The following TLCD4 variants were observed in gnomAD, a reference collection of about 807,000 sequenced individuals.
TLCD4 encodes TLC domain containing 4.
A neutral mutation model predicts 24.2 loss-of-function variants in TLCD4; 7 were observed. The ratio of observed to expected loss-of-function variants is 0.29; its 90% CI spans 0.16 to 0.54. The LOEUF (loss-of-function observed/expected upper bound fraction) is 0.54, where lower values mean the gene tolerates loss of function less well. TLCD4 is among the 20% of genes least tolerant of loss of function. The pLI, the probability that TLCD4 is intolerant of heterozygous loss-of-function variation, is 0.95. For missense variants in TLCD4, 259 were observed against 313.9 expected (o/e 0.82, Z 1.32); for synonymous variants, 103 against 106.4 (o/e 0.97, Z 0.20).
At chr1:95,099,977 C>CA in the TLCD4 span, among the ~76,000 whole-genome samples, 3 of 151,612 alleles carry the variant, frequency 2.0e-5, no homozygotes, top group African/African-American at 7.3e-5. Flanking sequence ...ACTAAAAACA[C>CA]AAAAAATACA....
the TLCD4 span, among the ~76,000 whole-genome samples, chr1:95,101,513 T>G: frequency 6.6e-6 from 1 of 150,752 alleles, no homozygotes; most frequent in Non-Finnish European, 1.5e-5. Flanking sequence ...CCTTAAGAGA[T>G]CCTCCCACCT....
the TLCD4 span, among the ~76,000 whole-genome samples, chr1:95,105,087 C>T: frequency 3.9e-5 from 6 of 152,090 alleles, no homozygotes; most frequent in Admixed American, 2.0e-4. Flanking sequence ...ATATTCAGTA[C>T]TTTATTATAA....
chr1:95,101,264 T>C, the TLCD4 span, among the ~76,000 whole-genome samples: 1 of 152,006 alleles, frequency 6.6e-6, no homozygotes, highest in Non-Finnish European at 1.5e-5. Context: ...TTTTGTTTCA[T>C]TTATTTAGAG....
the TLCD4 span, among the ~76,000 whole-genome samples, chr1:95,104,663 C>CAAAAAAA: frequency 4.7e-4 from 19 of 40,602 alleles, 4 homozygotes; most frequent in Non-Finnish European, 7.0e-4. Flanking sequence ...GACTCCGTCT[C>CAAAAAAA]AAAAAAAAAA....
At chr1:95,136,440 C>G (rs1677043458) in intron 1 of TLCD4, among the ~76,000 whole-genome samples, 1 of 152,136 alleles carries the variant, frequency 6.6e-6, no homozygotes, top group Non-Finnish European at 1.5e-5. Flanking sequence ...ATTTCAAAAC[C>G]TGATTCTGTT....
At chr1:95,165,522 A>G (rs1165336834) in intron 5 of TLCD4, among the ~76,000 whole-genome samples, 4 of 149,502 alleles carry the variant, frequency 2.7e-5, no homozygotes, top group African/African-American at 5.0e-5. Flanking sequence ...GTGGAGTGCA[A>G]TGGCGTGATC....
At chr1:95,155,510 T>A (rs1260177136) in intron 5 of TLCD4, among the ~76,000 whole-genome samples, 2 of 152,198 alleles carry the variant, frequency 1.3e-5, no homozygotes, top group Non-Finnish European at 2.9e-5. Flanking sequence ...TCTATCTCAT[T>A]TGTATTTTAG....
chr1:95,129,773 A>G (rs1480930691), intron 1 of TLCD4, among the ~76,000 whole-genome samples: 4 of 152,168 alleles, frequency 2.6e-5, no homozygotes, highest in Non-Finnish European at 4.4e-5. Flanking sequence ...TTATATGAAC[A>G]TAGGGCTTCT....
At chr1:95,143,837 T>C in intron 1 of TLCD4, 54 bp from the exon 2 acceptor site, 1 of 1,309,388 alleles carries the variant, frequency 7.6e-7, no homozygotes, top group Admixed American at 3.0e-5. Context: ...AATAAAAAAA[T>C]TACTCTAGGT....
At chr1:95,104,200 T>G in the TLCD4 span, among the ~76,000 whole-genome samples, 2 of 152,150 alleles carry the variant, frequency 1.3e-5, no homozygotes, top group African/African-American at 4.8e-5. Context: ...CCACAGAACT[T>G]TGAGCTTCCT....
chr1:95,145,456 C>G (rs1235798548), intron 2 of TLCD4, among the ~76,000 whole-genome samples: 5 of 151,760 alleles, frequency 3.3e-5, no homozygotes, highest in Non-Finnish European at 7.4e-5. Flanking sequence ...TGTCAAAGTT[C>G]TTTTCACCCA....
At chr1:95,114,757 C>T (rs375049197), upstream of TLCD4, among the ~76,000 whole-genome samples, 9 of 151,280 alleles carry the variant, frequency 5.9e-5, no homozygotes, top group East Asian at 3.9e-4. Context: ...AACTGGAAGG[C>T]GGAGGTTGCA....
At chr1:95,133,319 G>T (rs963542116) in intron 1 of TLCD4, among the ~76,000 whole-genome samples, 3 of 151,798 alleles carry the variant, frequency 2.0e-5, no homozygotes, top group Non-Finnish European at 4.4e-5. Context: ...CACCAACATG[G>T]CACATGTATA....
chr1:95,156,891 A>G (rs762088959), intron 5 of TLCD4, among the ~76,000 whole-genome samples: 1 of 152,148 alleles, frequency 6.6e-6, no homozygotes, highest in Non-Finnish European at 1.5e-5. Context: ...CCCATATGCC[A>G]TTAGAAATGA....
At chr1:95,176,084 G>A (rs760897292) in intron 6 of TLCD4, among the ~76,000 whole-genome samples, 2 of 151,550 alleles carry the variant, frequency 1.3e-5, no homozygotes, top group Admixed American at 6.6e-5. Flanking sequence ...CTGGTCATGC[G>A]GTTTTGATCT....
At chr1:95,124,843 A>AT (rs144125948) in intron 1 of TLCD4, among the ~76,000 whole-genome samples, 35,476 of 151,498 alleles carry the variant, frequency 0.23, 4,259 homozygotes, top group Admixed American at 0.29. Context: ...TGGGCAAAAT[A>AT]TTTTTCTAAA....
At chr1:95,110,368 A>T in the TLCD4 span, among the ~76,000 whole-genome samples, 1 of 152,020 alleles carries the variant, frequency 6.6e-6, no homozygotes, top group Admixed American at 6.6e-5. Context: ...TGAATTTTAA[A>T]ATTAATTTTT....
upstream of TLCD4, among the ~76,000 whole-genome samples, chr1:95,115,849 T>C (rs983473380): frequency 3.3e-5 from 5 of 152,202 alleles, no homozygotes; most frequent in Admixed American, 3.3e-4. Context: ...ATACAGACTC[T>C]TGAGAGGACA....
intron 5 of TLCD4, among the ~76,000 whole-genome samples, chr1:95,160,124 C>G (rs532443212): frequency 6.6e-6 from 1 of 152,314 alleles, no homozygotes; most frequent in Admixed American, 6.5e-5. Flanking sequence ...GATATTGATT[C>G]TTCCTACACA....
Sources: gnomAD v4.1 joint callset for allele counts (sites outside exome capture counted in the v4.1 genomes callset) on GRCh38, gnomAD v4.1.1 for gene constraint, MANE v1.5 for transcripts, NCBI Gene and HGNC (gene_info 2026-07-23, HGNC 2026-07-21) for gene names.